PPP1R16A: variants seen among roughly 807,000 people sequenced by gnomAD.
PPP1R16A encodes myosin phosphatase-targeting subunit 3.
In PPP1R16A, 39 loss-of-function variants were observed where a neutral mutation model predicts 46.6. That is an observed-to-expected ratio of 0.84 (90% CI 0.65 to 1.09). The LOEUF is 1.09. Ranked by LOEUF, PPP1R16A falls within the 50% of genes least tolerant of loss-of-function variation. PPP1R16A has a pLI of 0.00. For missense variants in PPP1R16A, 798 were observed against 735.6 expected (o/e 1.08, Z -0.98); for synonymous variants, 413 against 321.5 (o/e 1.28, Z -3.04).
intron 1 of PPP1R16A, among the ~76,000 whole-genome samples, chr8:144,480,523 T>C (rs1825368847): frequency 6.6e-6 from 1 of 151,836 alleles, no homozygotes. Context: ...AGTCTTGCTC[T>C]GTAGCCAGGC....
intron 5 of PPP1R16A, 151 bp from the exon 6 acceptor site, chr8:144,499,945 C>T: frequency 2.8e-6 from 2 of 717,526 alleles, no homozygotes; most frequent in Non-Finnish European, 4.6e-6. Context: ...GCCGATGGGC[C>T]CCAAGGCTGC....
Position 144,501,952 on chromosome 8 carries a change from T to A in PPP1R16A, c.*49T>A. 1 of 1,464,040 alleles carries A rather than the reference T, an allele frequency of 6.8e-7. No individual in the cohort carries two copies. The allele number at this position is 1,464,040 out of a possible 1,614,324, so 90.7% of individuals were successfully genotyped here. A position where few individuals can be genotyped will look rare whatever the true frequency, so the allele number is the denominator to read the frequency against. ...CCCTGTCGCGGGCACAGCCCAAGGC[T>A]GCCTCCCCACGGTGCGTGCCCTGGT... On this transcript the variant is annotated 3_prime_UTR_variant, in exon 12 of 12. Transcript: ENST00000435887.
rs995213538 is a variant in PPP1R16A, at chr8:144,502,016, C to T, written c.*113C>T. On this transcript the variant is annotated 3_prime_UTR_variant, in exon 12 of 12. Coordinates refer to ENST00000435887, the MANE Select transcript of PPP1R16A (RefSeq NM_001329443.2). ...CACGGAAACCCCGGCTTCTACTGTA[C>T]AGGACACTGGCCCCTCTCAGGTCAG... 3.7e-6 allele frequency: 4 copies of T among 1,091,906 alleles called. No homozygotes were observed. Among genetic ancestry groups the T allele is most frequent in the Non-Finnish European group, 3.8e-6 (3 of 788,012 alleles). 67.6% of individuals were successfully genotyped at this position (1,091,906 alleles called of 1,614,324 possible). A position where few individuals can be genotyped will look rare whatever the true frequency, so the allele number is the denominator to read the frequency against.
At chr8:144,490,895 C>CA (rs1188092547) in intron 2 of PPP1R16A, among the ~76,000 whole-genome samples, 1 of 152,002 alleles carries the variant, frequency 6.6e-6, no homozygotes, top group Non-Finnish European at 1.5e-5. Flanking sequence ...ACTCCACACA[C>CA]AAAAAAGACA....
intron 3 of PPP1R16A, chr8:144,498,434 A>G: frequency 5.4e-6 from 2 of 367,636 alleles, no homozygotes; most frequent in Non-Finnish European, 1.0e-5. Flanking sequence ...GAGCTGTGGT[A>G]GCCTCCAGGC....
intron 2 of PPP1R16A, among the ~76,000 whole-genome samples, chr8:144,494,713 A>C (rs1214258788): frequency 6.6e-6 from 1 of 152,040 alleles, no homozygotes; most frequent in Non-Finnish European, 1.5e-5. Context: ...GTGAGTAGCT[A>C]CTGCCCAGGT....
intron 2 of PPP1R16A, among the ~76,000 whole-genome samples, chr8:144,491,361 C>G (rs541389675): frequency 1.1e-4 from 17 of 152,052 alleles, no homozygotes; most frequent in South Asian, 2.1e-4. Context: ...TACCTATAAT[C>G]CCAGCATTTT....
At chr8:144,492,376 C>T (rs1230840749) in intron 2 of PPP1R16A, among the ~76,000 whole-genome samples, 7 of 147,040 alleles carry the variant, frequency 4.8e-5, no homozygotes, top group Admixed American at 2.8e-4. Flanking sequence ...CTCTCTGTCA[C>T]CCAGGCTGGG....
rs1028480059 is a variant in PPP1R16A, at chr8:144,478,029, G to T, written c.-1012G>T. ...GTAGCGTTGCCATGGCGAGGGCCGG[G>T]TGCGGGGCCCGCCCCCGCAGCGCCT... On this transcript the variant is annotated 5_prime_UTR_variant, in exon 1 of 12. Coordinates refer to ENST00000435887, the MANE Select transcript of PPP1R16A (RefSeq NM_001329443.2). The T allele has an allele frequency of 2.5e-6, 1 of 394,210 alleles. No individual in the cohort carries two copies. Among genetic ancestry groups the T allele is most frequent in the Non-Finnish European group, 4.5e-6 (1 of 223,144 alleles). The allele number at this position is 394,210 out of a possible 1,614,324, so 24.4% of individuals were successfully genotyped here. A position where few individuals can be genotyped will look rare whatever the true frequency, so the allele number is the denominator to read the frequency against.
rs201375969 is a variant in PPP1R16A at position 144,501,936 on chromosome 8, G to A, written c.*33G>A. 9.5e-5 allele frequency: 141 copies of A among 1,484,632 alleles called. No homozygotes were observed. The highest frequency in any genetic ancestry group is 2.5e-5 in the Non-Finnish European group (28 of 1,119,068). 92.0% of individuals were successfully genotyped at this position (1,484,632 alleles called of 1,614,324 possible). The stretch of plus-strand genomic sequence containing the variant: ...GCTCAGCATGCAGGGGCCCTGTCGC[G>A]GGCACAGCCCAAGGCTGCCTCCCCA... On this transcript the variant is annotated 3_prime_UTR_variant, in exon 12 of 12. Coordinates refer to ENST00000435887, the MANE Select transcript of PPP1R16A (RefSeq NM_001329443.2).
In PPP1R16A at chr8:144,501,692, T is replaced by C; in HGVS notation, c.1376T>C (p.Leu459Pro). Residue 459 changes from leucine to proline, a missense_variant, in exon 12 of 12, where the codon CTG becomes CCG. Coordinates refer to ENST00000435887, the MANE Select transcript of PPP1R16A (RefSeq NM_001329443.2). ...AAGGCCCACCACACCCTGGCTGACCTGAAGCGCCAGCGAGCTGCTGCCAAG... is the reference window on the plus strand; with the variant it reads ...AAGGCCCACCACACCCTGGCTGACCCGAAGCGCCAGCGAGCTGCTGCCAAG... ...HDKAHHTLADLKRQRAAAKLQ... is the reference protein window; with the variant it reads ...HDKAHHTLADPKRQRAAAKLQ... 1 of 1,605,378 alleles carries C rather than the reference T, an allele frequency of 6.2e-7. No homozygotes were observed. Among genetic ancestry groups the C allele is most frequent in the East Asian group, 2.3e-5 (1 of 44,158 alleles).
At chr8:144,478,497 G>A (rs1349543726) in intron 1 of PPP1R16A, 5 of 207,584 alleles carry the variant, frequency 2.4e-5, no homozygotes, top group Middle Eastern at 1.5e-3. Context: ...GCCGGTGGGC[G>A]CTTCGCGTTT....
chr8:144,501,096 T>G (rs970108986), intron 10 of PPP1R16A, 33 bp from the exon 11 acceptor site: 1 of 1,604,094 alleles, frequency 6.2e-7, no homozygotes, highest in Non-Finnish European at 8.5e-7. Context: ...GGCACTCCCC[T>G]TCCCCTCACT....
intron 1 of PPP1R16A, among the ~76,000 whole-genome samples, chr8:144,483,561 C>T (rs143328662): frequency 0.028 from 4,204 of 152,118 alleles, 79 homozygotes; most frequent in Non-Finnish European, 0.043. Flanking sequence ...AGGTGCATGC[C>T]GCCACGACCG....
At position 144,498,798 on chromosome 8, in the gene PPP1R16A, C is replaced by A; in HGVS notation, c.288C>A (p.Ser96Arg). The change falls in exon 4 of 12, where the codon AGC becomes AGA. Residue 96 changes from serine to arginine, a missense_variant. Transcript: ENST00000435887. The stretch of plus-strand genomic sequence containing the variant: ...GCCAGTTCCTTGGGAGTGGGGTCAG[C>A]CCTGACTTGGCCAACGAGGACGGCC... ...EVRQFLGSGVSPDLANEDGLT... is the reference protein window; with the variant it reads ...EVRQFLGSGVRPDLANEDGLT... 1 of 1,602,420 alleles carries A rather than the reference C, an allele frequency of 6.2e-7. No individual in the cohort carries two copies. Among genetic ancestry groups the A allele is most frequent in the Non-Finnish European group, 8.5e-7 (1 of 1,171,588 alleles).
intron 5 of PPP1R16A, chr8:144,499,407 G>T (rs1406763204): frequency 9.2e-6 from 3 of 325,388 alleles, no homozygotes; most frequent in African/African-American, 4.2e-5. Flanking sequence ...CTTGGGAGGA[G>T]AGGGTACCTG....
At chr8:144,486,126 T>A (rs1238787343) in intron 1 of PPP1R16A, among the ~76,000 whole-genome samples, 1 of 152,216 alleles carries the variant, frequency 6.6e-6, no homozygotes, top group African/African-American at 2.4e-5. Flanking sequence ...TGAACATTTA[T>A]GTAGTTTTTT....
chr8:144,486,804 T>G (rs528304312), intron 1 of PPP1R16A, among the ~76,000 whole-genome samples: 1 of 152,306 alleles, frequency 6.6e-6, no homozygotes, highest in African/African-American at 2.4e-5. Flanking sequence ...GTAGCTGTCT[T>G]TTCATCCTCC....
intron 1 of PPP1R16A, among the ~76,000 whole-genome samples, chr8:144,481,261 G>A (rs748070723): frequency 2.0e-5 from 3 of 152,050 alleles, no homozygotes; most frequent in Non-Finnish European, 4.4e-5. Flanking sequence ...AAGTTCTCTC[G>A]TGCTCCTCTG....
Sources: gnomAD v4.1 joint callset for allele counts (sites outside exome capture counted in the v4.1 genomes callset) on GRCh38, gnomAD v4.1.1 for gene constraint, MANE v1.5 for transcripts, NCBI Gene and HGNC (gene_info 2026-07-23, HGNC 2026-07-21) for gene names.